GRIP1: variants seen among roughly 807,000 people sequenced by gnomAD.
GRIP1 encodes the protein glutamate receptor-interacting protein 1.
Under a neutral mutation model 129.9 loss-of-function variants are expected in GRIP1, and 45 were observed. The ratio of observed to expected loss-of-function variants is 0.35; its 90% CI spans 0.27 to 0.44. The LOEUF (loss-of-function observed/expected upper bound fraction) is 0.44. GRIP1 is among the 20% of genes least tolerant of loss of function. GRIP1 has a pLI of 1.00. For synonymous variants in GRIP1, 530 were observed against 520.8 expected, an observed-to-expected ratio of 1.02 and a Z score of -0.24; for missense variants, 1,196 against 1,396.8, an observed-to-expected ratio of 0.86 and a Z score of 2.29.
At chr12:66,932,352 C>G (rs1022183929) in intron 1 of GRIP1, among the ~76,000 whole-genome samples, 2 of 152,184 alleles carry the variant, frequency 1.3e-5, no homozygotes, top group African/African-American at 4.8e-5. Flanking sequence ...CTCCATTAGT[C>G]ATTTGAGAAA....
intron 1 of GRIP1, among the ~76,000 whole-genome samples, chr12:66,716,209 C>T (rs894728970): frequency 5.9e-5 from 9 of 152,078 alleles, no homozygotes; most frequent in African/African-American, 2.2e-4. Context: ...TTATTCCCAA[C>T]ATATGTGAAC....
chr12:66,792,281 G>A (rs1298417446), intron 1 of GRIP1, among the ~76,000 whole-genome samples: 1 of 151,852 alleles, frequency 6.6e-6, no homozygotes, highest in Non-Finnish European at 1.5e-5. Flanking sequence ...TTTTTGCAGT[G>A]CAGTAGCATG....
At chr12:66,380,030 C>T (rs1227465580) in intron 19 of GRIP1, among the ~76,000 whole-genome samples, 1 of 152,078 alleles carries the variant, frequency 6.6e-6, no homozygotes, top group Non-Finnish European at 1.5e-5. Context: ...CTCAACCTCC[C>T]AAGTAGCTAG....
chr12:66,663,661 T>C (rs1405581380), intron 1 of GRIP1, among the ~76,000 whole-genome samples: 2 of 152,170 alleles, frequency 1.3e-5, no homozygotes, highest in Middle Eastern at 3.2e-3. Flanking sequence ...GGAGACTCTG[T>C]CTAGGAAAGA....
At chr12:66,827,250 GAA>G (rs1230072591) in intron 1 of GRIP1, among the ~76,000 whole-genome samples, 2 of 151,994 alleles carry the variant, frequency 1.3e-5, no homozygotes, top group Non-Finnish European at 2.9e-5. Context: ...CTCAACTAGG[GAA>G]AGAGTCTACC....
At position 67,058,226 on chromosome 12, in the gene GRIP1, G is replaced by A. The variant is rs1956245540; in HGVS notation, c.58+10824C>T. Among the ~76,000 whole-genome samples, 3 of 152,118 alleles carry A rather than the reference G, an allele frequency of 2.0e-5. No homozygotes were observed. In the South Asian group the frequency reaches 6.2e-4, roughly 32 times the overall value. ...GTTTTATCATCATTGCTTTTTTAAT[G>A]TACCAATAGGTGAAAACTACATTCA... is the stretch of plus-strand genomic sequence containing the variant. On this transcript the variant is annotated intron_variant, in intron 1 of 1. Transcript: ENST00000643019.
intron 11 of GRIP1, among the ~76,000 whole-genome samples, chr12:66,453,765 A>G (rs910558952): frequency 1.3e-5 from 2 of 152,186 alleles, no homozygotes; most frequent in Admixed American, 1.3e-4. Context: ...CCCTATTTTC[A>G]GTTGAGGCAT....
intron 1 of GRIP1, among the ~76,000 whole-genome samples, chr12:66,834,655 C>T (rs2039578649): frequency 6.6e-6 from 1 of 152,112 alleles, no homozygotes; most frequent in Admixed American, 6.5e-5. Context: ...CAATGACTTA[C>T]ATAATTGTAG....
At chr12:66,409,359 A>T (rs900687374) in intron 15 of GRIP1, among the ~76,000 whole-genome samples, 1 of 152,244 alleles carries the variant, frequency 6.6e-6, no homozygotes, top group African/African-American at 2.4e-5. Flanking sequence ...TTGGAAGAAA[A>T]GGAAGAGAAC....
chr12:66,385,427 T>C lies in GRIP1; in HGVS notation c.2465-5991A>G, dbSNP rs376193248. ...GGTGGGCACCTGTAGTCCCAGCTAC[T>C]TGGGAGGCTGAGATAGGAGAGTCAC... On this transcript the variant is annotated intron_variant, in intron 19 of 24. Coordinates refer to ENST00000359742, the MANE Select transcript of GRIP1 (RefSeq NM_001366722.1). Among the ~76,000 whole-genome samples the C allele has an allele frequency of 3.8e-4, 57 of 151,976 alleles. No homozygotes were observed. The East Asian group carries it at 0.011, about 30-fold the overall frequency.
intron 2 of GRIP1, among the ~76,000 whole-genome samples, chr12:66,578,513 G>C (rs1053658548): frequency 6.6e-6 from 1 of 152,154 alleles, no homozygotes; most frequent in East Asian, 1.9e-4. Context: ...TCAAAGAAAC[G>C]GGTGACAGAG....
chr12:66,814,047 T>C (rs2039156807), intron 1 of GRIP1, among the ~76,000 whole-genome samples: 1 of 152,152 alleles, frequency 6.6e-6, no homozygotes, highest in African/African-American at 2.4e-5. Context: ...GATACAGGTT[T>C]AAGGGTTGTG....
At chr12:66,564,523 C>T (rs1397608548) in intron 2 of GRIP1, among the ~76,000 whole-genome samples, 8 of 151,558 alleles carry the variant, frequency 5.3e-5, no homozygotes, top group African/African-American at 1.2e-4. Flanking sequence ...ATCCAGTCTA[C>T]TATTGTTGGA....
chr12:66,432,533 A>G lies in GRIP1; in HGVS notation c.1768+15T>C. On this transcript the variant is annotated intron_variant, in intron 14 of 24. Transcript: ENST00000359742. ...TGCCTTTAAAAATTATTTAAAAGAA[A>G]TAACTTCTACTTACAACTTATGGTT... is the stretch of plus-strand genomic sequence containing the variant. 6.8e-7 allele frequency: 1 copy of G among 1,472,470 alleles called. No individual in the cohort carries two copies. The highest frequency in any genetic ancestry group is 1.4e-5 in the African/African-American group (1 of 72,492). 91.2% of individuals were successfully genotyped at this position (1,472,470 alleles called of 1,614,324 possible). A position where few individuals can be genotyped will look rare whatever the true frequency, so the allele number is the denominator to read the frequency against.
intron 1 of GRIP1, among the ~76,000 whole-genome samples, chr12:66,667,694 G>A (rs1428257552): frequency 6.6e-6 from 1 of 152,150 alleles, no homozygotes; most frequent in Non-Finnish European, 1.5e-5. Flanking sequence ...CCAAAATGGG[G>A]AGGGCTTTCT....
At chr12:66,710,884 C>T (rs2035691112) in intron 1 of GRIP1, among the ~76,000 whole-genome samples, 6 of 151,834 alleles carry the variant, frequency 4.0e-5, no homozygotes, top group Non-Finnish European at 8.8e-5. Flanking sequence ...GAGGAATCTT[C>T]CACAGGCTTC....
chr12:66,473,270 T>A (rs1382478371), intron 7 of GRIP1, among the ~76,000 whole-genome samples: 1 of 152,162 alleles, frequency 6.6e-6, no homozygotes, highest in South Asian at 2.1e-4. Context: ...CCAGACTGCC[T>A]CTCTAGATTC....
chr12:66,965,832 C>T (rs2041990700), intron 1 of GRIP1, among the ~76,000 whole-genome samples: 1 of 152,134 alleles, frequency 6.6e-6, no homozygotes, highest in African/African-American at 2.4e-5. Context: ...ACCACAGAGG[C>T]TTCTGAATAA....
At chr12:66,721,089 G>A (rs570688237) in intron 1 of GRIP1, among the ~76,000 whole-genome samples, 32 of 152,262 alleles carry the variant, frequency 2.1e-4, no homozygotes, top group African/African-American at 7.7e-4. Flanking sequence ...AATGGATGTT[G>A]TGTTAGCAGG....
Sources: allele counts gnomAD v4.1 joint callset (sites outside exome capture counted in the v4.1 genomes callset), GRCh38; gene constraint gnomAD v4.1.1; transcripts MANE v1.5; gene names NCBI Gene and HGNC (gene_info 2026-07-23, HGNC 2026-07-21).